Variants in RNF157 observed in about 807,000 individuals in gnomAD.
RNF157 encodes ring finger protein 157.
In RNF157, 55 loss-of-function variants were observed where a neutral mutation model predicts 88.3. The observed-to-expected ratio is 0.62, with a 90% confidence interval of 0.50 to 0.78. RNF157 has a LOEUF of 0.78. Among genes scored for constraint, RNF157 ranks in the 30% least tolerant of loss-of-function variants. The probability of loss-of-function intolerance (pLI) is 0.00; values close to 1 mark genes in which losing one functional copy is unlikely to be tolerated. For synonymous variants in RNF157, 334 were observed against 341.2 expected (o/e 0.98, Z 0.23); for missense variants, 788 against 860.8 (o/e 0.92, Z 1.06).
chr17:76,226,711 A>C, intron 1 of RNF157: 2 of 1,611,580 alleles, frequency 1.2e-6, no homozygotes, highest in Non-Finnish European at 1.7e-6. Flanking sequence ...CATCTAAGAG[A>C]CCTATGCTTT....
Position 76,146,393 on chromosome 17 carries a change from C to T in RNF157, c.1922-1040G>A. The T allele has an allele frequency of 3.0e-6, 3 of 985,626 alleles. No individual in the cohort carries two copies. Among genetic ancestry groups the T allele is most frequent in the Non-Finnish European group, 2.4e-6 (2 of 830,060 alleles). 61.1% of individuals were successfully genotyped at this position (985,626 alleles called of 1,614,324 possible). A position where few individuals can be genotyped will look rare whatever the true frequency, so the allele number is the denominator to read the frequency against. ...CTCAGGCTCCTCCAGGCCATCTCGC[C>T]TCTCCCCTGGGAGTCCTCTTCATCT... On this transcript the variant is annotated intron_variant, in intron 18 of 18. Coordinates refer to ENST00000269391, the MANE Select transcript of RNF157 (RefSeq NM_052916.3). The surrounding 1 kb of genome is among the most constrained non-coding windows in gnomAD (Gnocchi z 4.2).
intron 2 of RNF157, among the ~76,000 whole-genome samples, chr17:76,199,825 C>T (rs1318874944): frequency 1.3e-5 from 2 of 152,072 alleles, no homozygotes; most frequent in African/African-American, 4.8e-5. Flanking sequence ...GGGATAATGT[C>T]CTCATCTTTA....
At chr17:76,168,749 A>G (rs1598399992) in intron 3 of RNF157, among the ~76,000 whole-genome samples, 1 of 152,248 alleles carries the variant, frequency 6.6e-6, no homozygotes, top group East Asian at 1.9e-4. Context: ...ATATCGGTGG[A>G]GCACGTGTCC....
rs774958836 is a variant in RNF157 at position 76,155,581 on chromosome 17, G to A, written c.1679C>T (p.Ala560Val). The A allele has an allele frequency of 1.2e-6, 2 of 1,612,488 alleles. No homozygotes were observed. Among genetic ancestry groups the A allele is most frequent in the African/African-American group, 1.3e-5 (1 of 74,832 alleles). Reference sequence around the variant, plus strand: ...CCTTACCTCTCCTTCTTCTGAGGGGGCCCTGCTGGCAGGCTGGGGGGAAGA... The same window carrying A: ...CCTTACCTCTCCTTCTTCTGAGGGGACCCTGCTGGCAGGCTGGGGGGAAGA... The part of the protein sequence containing the change: ...ALSSPQPASR[A>V]PSEEGEGLPA... Residue 560 changes from alanine (A) to valine (V), a missense_variant, in exon 15 of 19, where the codon GCC (alanine) becomes GTC (valine). Coordinates refer to ENST00000269391, the MANE Select transcript of RNF157 (RefSeq NM_052916.3).
intron 3 of RNF157, among the ~76,000 whole-genome samples, chr17:76,172,750 A>T (rs16968673): frequency 0.11 from 16,351 of 151,884 alleles, 965 homozygotes; most frequent in South Asian, 0.16. Flanking sequence ...TTGCCTATTC[A>T]GAAAAATCTG....
At chr17:76,178,789 C>G (rs1329223995) in intron 2 of RNF157, among the ~76,000 whole-genome samples, 2 of 152,036 alleles carry the variant, frequency 1.3e-5, no homozygotes, top group African/African-American at 2.4e-5. Context: ...TCTCTAAAGT[C>G]CCCCAAGTTT....
intron 1 of RNF157, among the ~76,000 whole-genome samples, chr17:76,214,939 C>T (rs773908054): frequency 3.9e-5 from 6 of 152,086 alleles, no homozygotes; most frequent in African/African-American, 1.2e-4. Context: ...AAACGAATGC[C>T]GCTTACCTCT....
intron 2 of RNF157, among the ~76,000 whole-genome samples, chr17:76,178,045 G>A (rs2069132757): frequency 6.6e-6 from 1 of 152,214 alleles, no homozygotes; most frequent in Non-Finnish European, 1.5e-5. Context: ...CCCTATGTTT[G>A]TCTGTGTATC....
chr17:76,224,810 G>C (rs902598423), intron 1 of RNF157, among the ~76,000 whole-genome samples: 58 of 152,236 alleles, frequency 3.8e-4, no homozygotes, highest in African/African-American at 1.3e-3. Flanking sequence ...AGCCATCCTG[G>C]GCCACATGTA....
In RNF157 at chr17:76,160,269, T is replaced by C. The variant is rs954576747; in HGVS notation, c.1066-696A>G. 6.6e-6 allele frequency among the ~76,000 whole-genome samples: 1 copy of C among 152,244 alleles called. No individual in the cohort carries two copies. Among genetic ancestry groups the C allele is most frequent in the African/African-American group, 2.4e-5 (1 of 41,464 alleles). ...GTAAACAAGTTTTGATGAACATCCT[T>C]GAATGCCTTTTTTTCAAATTATGTT... is the stretch of plus-strand genomic sequence containing the variant. On this transcript the variant is annotated intron_variant, in intron 11 of 18. Coordinates refer to ENST00000269391, the MANE Select transcript of RNF157 (RefSeq NM_052916.3). This position sits in a 1 kb window ranked among gnomAD's most constrained non-coding sequence, Gnocchi z 4.3.
Position 76,146,636 on chromosome 17 carries a change from T to TG in RNF157, c.1922-1284_1922-1283insC. Reference sequence around the variant, plus strand: ...GGCCGGGGGAGGCCCAGTGTGCTCCTAAGTGCTCCCTGCAGCCTGAACTAC... The same window carrying TG: ...GGCCGGGGGAGGCCCAGTGTGCTCCTGAAGTGCTCCCTGCAGCCTGAACTAC... On this transcript the variant is annotated intron_variant, in intron 18 of 18. Coordinates refer to ENST00000269391, the MANE Select transcript of RNF157 (RefSeq NM_052916.3). The surrounding 1 kb of genome is among the most constrained non-coding windows in gnomAD (Gnocchi z 4.2). 4 of 985,466 alleles carry TG rather than the reference T, an allele frequency of 4.1e-6. No homozygotes were observed. Among genetic ancestry groups the TG allele is most frequent in the Non-Finnish European group, 3.6e-6 (3 of 829,930 alleles). 61.0% of individuals were successfully genotyped at this position (985,466 alleles called of 1,614,324 possible).
At chr17:76,217,026 T>G (rs1381239228) in intron 1 of RNF157, among the ~76,000 whole-genome samples, 1 of 152,254 alleles carries the variant, frequency 6.6e-6, no homozygotes, top group African/African-American at 2.4e-5. Context: ...TTACTTTTAC[T>G]TAAAATTAGC....
At chr17:76,186,253 C>CATG (rs2069284508) in intron 2 of RNF157, among the ~76,000 whole-genome samples, 3 of 152,158 alleles carry the variant, frequency 2.0e-5, no homozygotes, top group South Asian at 4.1e-4. Flanking sequence ...TGCCTGTAAT[C>CATG]CCAGCACTTT....
rs548303766 is a variant in RNF157 at position 76,225,836 on chromosome 17, G to A, written c.89-13354C>T. ...CTGGATCTCCTTGGCCAGGGAATCTGCCCTCTCTTTTAGAGCCTCGTTCTT... is the reference window on the plus strand; with the variant it reads ...CTGGATCTCCTTGGCCAGGGAATCTACCCTCTCTTTTAGAGCCTCGTTCTT... On this transcript the variant is annotated intron_variant, in intron 1 of 18. Transcript: ENST00000269391. 3.9e-5 allele frequency: 63 copies of A among 1,609,928 alleles called. 2 individuals are homozygous for A. The South Asian group carries it at 6.5e-4, about 17-fold the overall frequency.
chr17:76,165,598 G>T, intron 6 of RNF157, 53 bp from the exon 7 acceptor site: 2 of 1,590,190 alleles, frequency 1.3e-6, no homozygotes, highest in Non-Finnish European at 1.7e-6. Context: ...ACATCTTGAT[G>T]CCCATGACTT....
In RNF157 at chr17:76,146,699, T is replaced by A. The variant is rs956644867; in HGVS notation, c.1922-1346A>T. The A allele has an allele frequency of 7.7e-5, 76 of 985,310 alleles. No individual in the cohort carries two copies. Among genetic ancestry groups the A allele is most frequent in the Non-Finnish European group, 8.8e-5 (73 of 829,928 alleles). The allele number at this position is 985,310 out of a possible 1,614,324, so 61.0% of individuals were successfully genotyped here. The stretch of plus-strand genomic sequence containing the variant: ...ACGTCACATGGCAGAAACCGCTAGG[T>A]CCTGGAGCTCCTCCATGGGACAAAG... On this transcript the variant is annotated intron_variant, in intron 18 of 18. Coordinates refer to ENST00000269391, the MANE Select transcript of RNF157 (RefSeq NM_052916.3). This position sits in a 1 kb window ranked among gnomAD's most constrained non-coding sequence, Gnocchi z 4.2.
At chr17:76,173,286 A>G (rs1415052633) in intron 3 of RNF157, among the ~76,000 whole-genome samples, 1 of 140,780 alleles carries the variant, frequency 7.1e-6, no homozygotes, top group Non-Finnish European at 1.6e-5. Context: ...ACTCCGTCTC[A>G]AAAAAAAAAA....
chr17:76,148,089 T>C (rs368606009), intron 18 of RNF157, among the ~76,000 whole-genome samples: 3 of 152,104 alleles, frequency 2.0e-5, no homozygotes, highest in Non-Finnish European at 4.4e-5. Flanking sequence ...GCCCACAAAG[T>C]GCAAGTAGCA....
At position 76,158,481 on chromosome 17, in the gene RNF157, G is replaced by T; in HGVS notation, c.1325C>A (p.Ser442Tyr). 1 of 1,613,656 alleles carries T rather than the reference G, an allele frequency of 6.2e-7. No individual in the cohort carries two copies. The highest frequency in any genetic ancestry group is 8.5e-7 in the Non-Finnish European group (1 of 1,179,574). Residue 442 changes from serine to tyrosine, a missense_variant, in exon 13 of 19, where the codon TCC becomes TAC. By Grantham distance (144) the Ser-to-Tyr change is moderately radical. Coordinates refer to ENST00000269391, the MANE Select transcript of RNF157 (RefSeq NM_052916.3). ...SLSKSTSQNSSVLHEEEDEHS... is the reference protein window; with the variant it reads ...SLSKSTSQNSYVLHEEEDEHS... The stretch of plus-strand genomic sequence containing the variant: ...CTCATCTTCCTCTTCATGCAGCACG[G>T]AAGAGTTTTGGGAAGTGGATCTGTA...
Sources: gnomAD v4.1 joint callset for allele counts (sites outside exome capture counted in the v4.1 genomes callset) on GRCh38, gnomAD v4.1.1 for gene constraint, Gnocchi (gnomAD v3.1) non-coding constraint, MANE v1.5 for transcripts, NCBI Gene and HGNC (gene_info 2026-07-23, HGNC 2026-07-21) for gene names.